The following FAM184B variants were observed in gnomAD, a reference collection of about 807,000 sequenced individuals.
FAM184B encodes the protein family with sequence similarity 184 member B.
FAM184B carries 111 observed loss-of-function variants against 135.9 expected under a neutral mutation model. The observed-to-expected ratio is 0.82, with a 90% CI of 0.70 to 0.96. FAM184B has a LOEUF of 0.96. FAM184B is among the 40% of genes least tolerant of loss of function. The pLI, the probability that FAM184B is intolerant of heterozygous loss-of-function variation, is 0.00. For missense variants in FAM184B, 1,375 were observed against 1,323.9 expected (o/e 1.04, Z -0.60); for synonymous variants, 552 against 524.8 (o/e 1.05, Z -0.71).
intron 1 of FAM184B, among the ~76,000 whole-genome samples, chr4:17,728,534 C>T (rs1459462340): frequency 6.6e-6 from 1 of 152,138 alleles, no homozygotes; most frequent in Non-Finnish European, 1.5e-5. Context: ...GGCTTGCAGA[C>T]TCCGTCTCTC....
At chr4:17,660,993 G>C (rs1003095755) in intron 8 of FAM184B, among the ~76,000 whole-genome samples, 2 of 152,010 alleles carry the variant, frequency 1.3e-5, no homozygotes, top group Non-Finnish European at 2.9e-5. Context: ...ACAGACAATG[G>C]GGACCCCGAA....
chr4:17,656,067 C>T (rs1715773306), intron 10 of FAM184B, among the ~76,000 whole-genome samples: 1 of 152,172 alleles, frequency 6.6e-6, no homozygotes, highest in Non-Finnish European at 1.5e-5. Flanking sequence ...GGCAGAGTGT[C>T]CTTTCACTTT....
intron 12 of FAM184B, among the ~76,000 whole-genome samples, chr4:17,644,798 C>T (rs1715417221): frequency 6.6e-6 from 1 of 152,164 alleles, no homozygotes; most frequent in African/African-American, 2.4e-5. Context: ...CAAATTGTCC[C>T]TGTTTGCAGA....
At chr4:17,755,706 C>T (rs1051189290) in intron 1 of FAM184B, among the ~76,000 whole-genome samples, 1 of 152,156 alleles carries the variant, frequency 6.6e-6, no homozygotes, top group Non-Finnish European at 1.5e-5. Context: ...GGTACATATA[C>T]ACCACAAAAT....
chr4:17,688,418 G>A lies in FAM184B; in HGVS notation c.1596+6C>T. ...TTTAATTAAATCTGACAAAGCTGGA[G>A]GTTACCTGGGTCTCCAGAATGCTGC... On this transcript the variant is annotated splice_donor_region_variant and intron_variant, in intron 7 of 17. Transcript: ENST00000265018. The A allele has an allele frequency of 6.5e-7, 1 of 1,543,710 alleles. No homozygotes were observed. Among genetic ancestry groups the A allele is most frequent in the Non-Finnish European group, 8.8e-7 (1 of 1,142,400 alleles).
At chr4:17,719,339 G>A (rs1480868205) in intron 1 of FAM184B, among the ~76,000 whole-genome samples, 1 of 152,204 alleles carries the variant, frequency 6.6e-6, no homozygotes, top group African/African-American at 2.4e-5. Flanking sequence ...AGGAGGAAAA[G>A]AGGAGGACGG....
chr4:17,671,938 C>A lies in FAM184B; in HGVS notation c.1597-7279G>T, dbSNP rs75612864. Among the ~76,000 whole-genome samples the A allele has an allele frequency of 3.2e-3, 363 of 111,812 alleles. 8 individuals are homozygous for A. The highest frequency in any genetic ancestry group is 9.3e-3 in the African/African-American group (353 of 38,058). 73.4% of individuals were successfully genotyped at this position (111,812 alleles called of 152,430 possible). A position where few individuals can be genotyped will look rare whatever the true frequency, so the allele number is the denominator to read the frequency against. On this transcript the variant is annotated intron_variant, in intron 7 of 17. Transcript: ENST00000265018. ...CAAAGACAGGTCACTGGAAATAATT[C>A]AGTCAAAGATGCAAAAAGAAAAAAG...
Position 17,709,012 on chromosome 4 carries a change from G to A in FAM184B, c.774C>T (p.Phe258=), listed in dbSNP as rs1577270244. 2.6e-6 allele frequency: 4 copies of A among 1,550,480 alleles called. No individual in the cohort carries two copies. Among genetic ancestry groups the A allele is most frequent in the Non-Finnish European group, 3.5e-6 (4 of 1,146,938 alleles). Residue 258 remains phenylalanine, a synonymous_variant, in exon 2 of 18, where the codon TTC becomes TTT. Transcript: ENST00000265018. ...CCTGCAGGGCTGACTCCTGGACCTG[G>A]AAGTTCTTGCGGAGGTCCGACTCCT... The part of the protein sequence containing the change: ...QEKESDLRKN[F]QVQESALQAQ...
chr4:17,687,163 G>A (rs755151555), intron 7 of FAM184B, among the ~76,000 whole-genome samples: 3 of 152,192 alleles, frequency 2.0e-5, no homozygotes, highest in Non-Finnish European at 4.4e-5. Context: ...GGTCATGGGA[G>A]AGAAACTGCA....
intron 16 of FAM184B, chr4:17,634,159 T>C (rs920753316): frequency 3.5e-6 from 1 of 285,862 alleles, no homozygotes; most frequent in Non-Finnish European, 6.4e-6. Context: ...TTTTAGAAGG[T>C]CATGTAACAC....
At position 17,688,416 on chromosome 4, in the gene FAM184B, G is replaced by A. The variant is rs1456983898; in HGVS notation, c.1596+8C>T. The A allele has an allele frequency of 6.5e-7, 1 of 1,542,246 alleles. No individual in the cohort carries two copies. Among genetic ancestry groups the A allele is most frequent in the East Asian group, 2.4e-5 (1 of 40,834 alleles). On this transcript the variant is annotated splice_region_variant and intron_variant, in intron 7 of 17. Coordinates refer to ENST00000265018, the MANE Select transcript of FAM184B (RefSeq NM_015688.2). ...TCTTTAATTAAATCTGACAAAGCTGGAGGTTACCTGGGTCTCCAGAATGCT... is the reference window on the plus strand; with the variant it reads ...TCTTTAATTAAATCTGACAAAGCTGAAGGTTACCTGGGTCTCCAGAATGCT...
At position 17,676,854 on chromosome 4, in the gene FAM184B, A is replaced by T. The variant is rs142876915; in HGVS notation, c.1596+11570T>A. Among the ~76,000 whole-genome samples the T allele has an allele frequency of 7.9e-5, 12 of 152,334 alleles. No individual in the cohort carries two copies. The East Asian group carries it at 2.3e-3, about 29-fold the overall frequency. On this transcript the variant is annotated intron_variant, in intron 7 of 17. Coordinates refer to ENST00000265018, the MANE Select transcript of FAM184B (RefSeq NM_015688.2). ...TGTACAGGCTTGTAGCCTAACAGCA[A>T]AAAGCTATAGCATATAGCCAAGGTG... is the stretch of plus-strand genomic sequence containing the variant.
chr4:17,751,247 G>A (rs1431040420), intron 1 of FAM184B, among the ~76,000 whole-genome samples: 17 of 144,708 alleles, frequency 1.2e-4, no homozygotes, highest in African/African-American at 4.3e-4. Flanking sequence ...GGTGGAGGTT[G>A]CAGTAAGAGG....
intron 7 of FAM184B, among the ~76,000 whole-genome samples, chr4:17,678,318 CAA>C (rs898030085): frequency 6.6e-6 from 1 of 152,162 alleles, no homozygotes; most frequent in Non-Finnish European, 1.5e-5. Context: ...ATGAATTCAG[CAA>C]AGTTTCAGGA....
intron 1 of FAM184B, among the ~76,000 whole-genome samples, chr4:17,714,168 T>G (rs2315563): frequency 0.72 from 108,707 of 151,408 alleles, 39,902 homozygotes; most frequent in Non-Finnish European, 0.8. Flanking sequence ...GCTGCTGCAG[T>G]TCATCAAGGA....
intron 16 of FAM184B, 31 bp downstream of exon 16, chr4:17,634,978 T>G (rs1411752974): frequency 1.4e-6 from 2 of 1,454,770 alleles, no homozygotes; most frequent in Admixed American, 3.9e-5. Flanking sequence ...TGGAATTGTA[T>G]AATGCATTAA....
intron 5 of FAM184B, among the ~76,000 whole-genome samples, chr4:17,699,615 C>T (rs368138377): frequency 2.6e-5 from 4 of 151,692 alleles, no homozygotes; most frequent in Admixed American, 2.0e-4. Flanking sequence ...TAAAAATATC[C>T]AACAAAAATG....
chr4:17,657,718 A>G lies in FAM184B; in HGVS notation c.2037+632T>C, dbSNP rs1161259752. On this transcript the variant is annotated intron_variant, in intron 10 of 17. Transcript: ENST00000265018. ...GTCACCCAGGATGGAATGCAATGGC[A>G]TAGTCTTGGCTCACTGCAACCTCCA... Among the ~76,000 whole-genome samples the G allele has an allele frequency of 2.2e-5, 3 of 135,010 alleles. No individual in the cohort carries two copies. The East Asian group carries it at 6.8e-4, about 31-fold the overall frequency. 88.6% of individuals were successfully genotyped at this position (135,010 alleles called of 152,430 possible). A position where few individuals can be genotyped will look rare whatever the true frequency, so the allele number is the denominator to read the frequency against.
At chr4:17,695,810 G>A (rs1716844246) in intron 5 of FAM184B, among the ~76,000 whole-genome samples, 1 of 152,146 alleles carries the variant, frequency 6.6e-6, no homozygotes, top group South Asian at 2.1e-4. Flanking sequence ...TAGATAGATA[G>A]AGGGTCTGGA....
Sources: allele counts gnomAD v4.1 joint callset (sites outside exome capture counted in the v4.1 genomes callset), GRCh38; gene constraint gnomAD v4.1.1; transcripts MANE v1.5; gene names NCBI Gene and HGNC (gene_info 2026-07-23, HGNC 2026-07-21).